GPR137: variants seen among roughly 807,000 people sequenced by gnomAD.
GPR137 encodes the protein G protein-coupled receptor 137.
In GPR137, 20 loss-of-function variants were observed where a neutral mutation model predicts 38.9. That is an observed-to-expected ratio of 0.51 (90% CI 0.36 to 0.75). GPR137 has a LOEUF of 0.75. GPR137 is among the 30% of genes least tolerant of loss of function. GPR137 has a pLI of 0.00. For missense variants in GPR137, 456 were observed against 526.4 expected, an observed-to-expected ratio of 0.87 and a Z score of 1.31; for synonymous variants, 226 against 235.8, an observed-to-expected ratio of 0.96 and a Z score of 0.38.
upstream of GPR137, chr11:64,284,910 G>C: frequency 7.0e-7 from 1 of 1,426,260 alleles, no homozygotes; most frequent in Non-Finnish European, 9.2e-7. Context: ...GGGAGCAGGA[G>C]AGGGATTCTC....
rs1456823248 is a variant in GPR137 at position 64,286,265 on chromosome 11, C to A, written c.-260C>A. The stretch of plus-strand genomic sequence containing the variant: ...CCCAGGGAGGAGACACCCCCAACCC[C>A]TATCCGGTCTGTCCTGGAGAAAAGA... On this transcript the variant is annotated 5_prime_UTR_variant, in exon 1 of 7. Transcript: ENST00000438980. The A allele has an allele frequency of 2.3e-6, 3 of 1,328,624 alleles. No homozygotes were observed. Among genetic ancestry groups the A allele is most frequent in the East Asian group, 5.8e-5 (2 of 34,506 alleles). 82.3% of individuals were successfully genotyped at this position (1,328,624 alleles called of 1,614,324 possible).
At chr11:64,285,042 C>G, upstream of GPR137, 2 of 1,168,148 alleles carry the variant, frequency 1.7e-6, no homozygotes, top group Non-Finnish European at 2.2e-6. Context: ...CCAGTGAAAA[C>G]TTTGTGAAGG....
upstream of GPR137, chr11:64,271,561 C>CG (rs981702167): frequency 6.5e-5 from 88 of 1,361,672 alleles, 1 homozygote; most frequent in East Asian, 2.0e-3. Flanking sequence ...GACAGACCGG[C>CG]GGGGGGCGGC....
chr11:64,272,113 G>A (rs2032676309), upstream of GPR137, among the ~76,000 whole-genome samples: 1 of 152,210 alleles, frequency 6.6e-6, no homozygotes, highest in Non-Finnish European at 1.5e-5. Context: ...AAGGTCAGGA[G>A]ATCGAGACCA....
upstream of GPR137, chr11:64,284,948 C>T (rs2033789017): frequency 3.6e-6 from 5 of 1,399,078 alleles, no homozygotes; most frequent in African/African-American, 1.5e-5. Context: ...ACCTGGAGAC[C>T]CACTTCTGCC....
At chr11:64,280,332 AAATAATAATAAT>A (rs144682603), upstream of GPR137, among the ~76,000 whole-genome samples, 5 of 123,510 alleles carry the variant, frequency 4.0e-5, no homozygotes, top group Admixed American at 4.3e-4. Context: ...AAATAAAATA[AAATAATAATAAT>A]AATAATAATA....
chr11:64,271,689 G>T, upstream of GPR137: 1 of 1,473,236 alleles, frequency 6.8e-7, no homozygotes, highest in Non-Finnish European at 9.0e-7. Context: ...GAGGTTGGGG[G>T]GCGCCGAGCG....
chr11:64,276,310 G>GTA (rs1565347788), intron 1 of GPR137: 3 of 151,636 alleles, frequency 2.0e-5, no homozygotes, highest in Non-Finnish European at 4.4e-5. Flanking sequence ...GTGTGTGTGT[G>GTA]TGTGTATATA....
Position 64,286,087 on chromosome 11 carries a change from G to A in GPR137, c.-438G>A. ...CTCCCCCAGCTTGGGGAGGGGGAGA[G>A]CGGGGCATTGGGCGCCCCTCGCAGC... On this transcript the variant is annotated 5_prime_UTR_variant, in exon 1 of 7. Transcript: ENST00000438980. The A allele has an allele frequency of 1.0e-6, 1 of 995,450 alleles. No homozygotes were observed. 61.7% of individuals were successfully genotyped at this position (995,450 alleles called of 1,614,324 possible).
At chr11:64,279,256 C>G (rs1014740070) in intron 2 of GPR137, among the ~76,000 whole-genome samples, 1 of 152,038 alleles carries the variant, frequency 6.6e-6, no homozygotes. Context: ...GATCATGCCC[C>G]CGGGACCCCA....
upstream of GPR137, chr11:64,285,129 T>C (rs2033805730): frequency 9.9e-7 from 1 of 1,011,312 alleles, no homozygotes. Flanking sequence ...ATTGTTGCTA[T>C]TGTTACCGCT....
upstream of GPR137, among the ~76,000 whole-genome samples, chr11:64,281,478 A>C (rs1161338700): frequency 1.3e-5 from 2 of 152,214 alleles, no homozygotes; most frequent in African/African-American, 4.8e-5. Flanking sequence ...CTCAAAGGCA[A>C]TGCCAGAGTC....
chr11:64,273,855 C>CAG (rs2032829210), upstream of GPR137, among the ~76,000 whole-genome samples: 1 of 54,820 alleles, frequency 1.8e-5, no homozygotes, highest in Non-Finnish European at 3.1e-5. Context: ...GCACCCATCT[C>CAG]AAAAAAAAAA....
chr11:64,282,437 A>C (rs979958433), upstream of GPR137, among the ~76,000 whole-genome samples: 1 of 152,156 alleles, frequency 6.6e-6, no homozygotes, highest in Non-Finnish European at 1.5e-5. Flanking sequence ...CCCCACCTCT[A>C]CAAAAAATAA....
At position 64,285,907 on chromosome 11, in the gene GPR137, C is replaced by T; in HGVS notation, c.-618C>T. On this transcript the variant is annotated 5_prime_UTR_variant, in exon 1 of 7. Transcript: ENST00000438980. ...TCCCCACGACCTGAGCCGGCTCTCC[C>T]ATCAGCGGCCTGAGGACCTGGCGTC... 5 of 970,212 alleles carry T rather than the reference C, an allele frequency of 5.2e-6. No individual in the cohort carries two copies. Among genetic ancestry groups the T allele is most frequent in the Non-Finnish European group, 4.9e-6 (4 of 815,980 alleles). The allele number at this position is 970,212 out of a possible 1,614,324, so 60.1% of individuals were successfully genotyped here.
chr11:64,285,272 C>T (rs569685332), upstream of GPR137: 18 of 986,160 alleles, frequency 1.8e-5, no homozygotes, highest in South Asian at 7.8e-4. Context: ...GGAAAGGAAC[C>T]TCCTCCCTGG....
At position 64,286,826 on chromosome 11, in the gene GPR137, GCC is replaced by G; in HGVS notation, c.305_306del (p.Pro102ArgfsTer103). ...TTGCCCTTCTGGCTTCTCTACTGCT[GCC>G]CCGTCTGCCTGCAGTTCTTCACCTT... is the stretch of plus-strand genomic sequence containing the variant. On this transcript the variant is annotated frameshift_variant, in exon 1 of 7. Coordinates refer to ENST00000438980, the MANE Select transcript of GPR137 (RefSeq NM_001170880.2). LOFTEE classifies it high-confidence loss of function. 2.5e-6 allele frequency: 4 copies of G among 1,596,684 alleles called. No homozygotes were observed. Among genetic ancestry groups the G allele is most frequent in the Non-Finnish European group, 3.4e-6 (4 of 1,168,992 alleles).
intron 2 of GPR137, chr11:64,287,410 G>A (rs2135190867): frequency 1.3e-6 from 1 of 769,196 alleles, no homozygotes; most frequent in South Asian, 5.9e-5. Context: ...ATTTCCCTGA[G>A]AGGCTACTAT....
rs1028151412 is a variant in GPR137, at chr11:64,289,492, A to G, written c.*296A>G. On this transcript the variant is annotated 3_prime_UTR_variant, in exon 7 of 7. Coordinates refer to ENST00000438980, the MANE Select transcript of GPR137 (RefSeq NM_001170880.2). Reference sequence around the variant, plus strand: ...ACTCAATAAACAGTGTCTGCGCCCCACAGTTGTGCACCTGTCTGTCATCTG... The same window carrying G: ...ACTCAATAAACAGTGTCTGCGCCCCGCAGTTGTGCACCTGTCTGTCATCTG... The G allele has an allele frequency of 6.5e-6, 9 of 1,386,876 alleles. No homozygotes were observed. Among genetic ancestry groups the G allele is most frequent in the South Asian group, 1.4e-5 (1 of 69,236 alleles). The allele number at this position is 1,386,876 out of a possible 1,614,324, so 85.9% of individuals were successfully genotyped here.
Sources: gnomAD v4.1 joint callset for allele counts (sites outside exome capture counted in the v4.1 genomes callset) on GRCh38, gnomAD v4.1.1 for gene constraint, MANE v1.5 for transcripts, NCBI Gene and HGNC (gene_info 2026-07-23, HGNC 2026-07-21) for gene names.